Variants in ITGA8 observed in about 807,000 individuals in gnomAD.
ITGA8 encodes the protein integrin alpha-8.
A neutral mutation model predicts 142.3 loss-of-function variants in ITGA8; 91 were observed. The ratio of observed to expected loss-of-function variants is 0.64; its 90% CI spans 0.54 to 0.76. ITGA8 has a LOEUF of 0.76. Among genes scored for constraint, ITGA8 ranks in the 30% least tolerant of loss-of-function variants. ITGA8 has a pLI of 0.00. For synonymous variants in ITGA8, 505 were observed against 485.2 expected, an observed-to-expected ratio of 1.04 and a Z score of -0.54; for missense variants, 1,406 against 1,327.7, an observed-to-expected ratio of 1.06 and a Z score of -0.92.
intron 27 of ITGA8, among the ~76,000 whole-genome samples, chr10:15,543,126 T>C (rs925020756): frequency 6.6e-6 from 1 of 152,226 alleles, no homozygotes; most frequent in Non-Finnish European, 1.5e-5. Flanking sequence ...AAGGAGACTT[T>C]AGTCAAATCT....
intron 2 of ITGA8, among the ~76,000 whole-genome samples, chr10:15,716,513 C>T (rs918574850): frequency 6.6e-6 from 1 of 152,134 alleles, no homozygotes; most frequent in Admixed American, 6.5e-5. Flanking sequence ...TACTGTTTTA[C>T]TGCAAATATA....
intron 29 of ITGA8, among the ~76,000 whole-genome samples, chr10:15,518,728 G>C (rs886505328): frequency 6.6e-6 from 1 of 152,114 alleles, no homozygotes; most frequent in African/African-American, 2.4e-5. Context: ...ACACATCAAA[G>C]ACTAAGTTCA....
intron 11 of ITGA8, among the ~76,000 whole-genome samples, chr10:15,647,316 T>C (rs1289093767): frequency 6.6e-6 from 1 of 152,238 alleles, no homozygotes; most frequent in East Asian, 1.9e-4. Context: ...TTTTACCATT[T>C]TCAGCTTCTT....
intron 27 of ITGA8, among the ~76,000 whole-genome samples, chr10:15,531,487 G>A (rs1375591071): frequency 7.9e-6 from 1 of 126,740 alleles, no homozygotes; most frequent in East Asian, 1.9e-4. Flanking sequence ...GTATAATAAG[G>A]TTAAAATAAA....
intron 14 of ITGA8, among the ~76,000 whole-genome samples, chr10:15,614,975 T>G (rs186124245): frequency 2.8e-4 from 43 of 152,096 alleles, no homozygotes; most frequent in Non-Finnish European, 5.7e-4. Flanking sequence ...CCTGGAAGGA[T>G]CAAGGGAAGG....
rs1177205035 is a variant in ITGA8 at position 15,516,215 on chromosome 10, G to T, written c.*943C>A. On this transcript the variant is annotated 3_prime_UTR_variant, in exon 30 of 30. Transcript: ENST00000378076. The stretch of plus-strand genomic sequence containing the variant: ...ACCATGACTTTTAAACACTCCAAAG[G>T]TAGAGAGTACCTCGAAATTCATGTA... 2 of 152,088 alleles carry T rather than the reference G, an allele frequency of 1.3e-5. No homozygotes were observed. The highest frequency in any genetic ancestry group is 4.8e-5 in the African/African-American group (2 of 41,390). 9.4% of individuals were successfully genotyped at this position (152,088 alleles called of 1,614,324 possible).
At chr10:15,539,446 T>C (rs1191956053) in intron 27 of ITGA8, among the ~76,000 whole-genome samples, 1 of 152,148 alleles carries the variant, frequency 6.6e-6, no homozygotes, top group Non-Finnish European at 1.5e-5. Context: ...ACTCAGACAT[T>C]TGACACTATC....
At chr10:15,628,256 A>G (rs1419508292) in intron 13 of ITGA8, among the ~76,000 whole-genome samples, 1 of 149,326 alleles carries the variant, frequency 6.7e-6, no homozygotes, top group African/African-American at 2.5e-5. Flanking sequence ...TATGGCAGCC[A>G]TTCTTTATTA....
intron 21 of ITGA8, among the ~76,000 whole-genome samples, chr10:15,594,590 C>T (rs1832982847): frequency 6.6e-6 from 1 of 152,046 alleles, no homozygotes; most frequent in African/African-American, 2.4e-5. Context: ...CAAGACCGGC[C>T]TGGCCAACAT....
At chr10:15,718,637 T>A (rs1835497643) in intron 2 of ITGA8, 129 bp downstream of exon 2, 2 of 1,165,332 alleles carry the variant, frequency 1.7e-6, no homozygotes, top group Non-Finnish European at 1.2e-6. Flanking sequence ...GAGACCCACA[T>A]AGCCCACAAT....
intron 28 of ITGA8, among the ~76,000 whole-genome samples, chr10:15,520,369 T>C (rs962640377): frequency 6.6e-6 from 1 of 152,172 alleles, no homozygotes; most frequent in African/African-American, 2.4e-5. Context: ...GCCAAGATCA[T>C]GCCACTGCAC....
chr10:15,682,903 A>C (rs1834764625), intron 4 of ITGA8, among the ~76,000 whole-genome samples: 2 of 151,422 alleles, frequency 1.3e-5, no homozygotes, highest in African/African-American at 4.8e-5. Flanking sequence ...TAGGCTTCTA[A>C]ATCTCAGCAG....
chr10:15,606,158 C>A (rs923282062), intron 18 of ITGA8, 127 bp downstream of exon 18: 5 of 811,556 alleles, frequency 6.2e-6, no homozygotes, highest in African/African-American at 5.1e-5. Context: ...TAGGAAAACT[C>A]CCAAATGTTC....
chr10:15,635,399 A>G (rs1052716127), intron 13 of ITGA8, among the ~76,000 whole-genome samples: 3 of 152,180 alleles, frequency 2.0e-5, no homozygotes, highest in African/African-American at 7.2e-5. Context: ...GGATGATAGT[A>G]TCAGAGAAGT....
intron 6 of ITGA8, among the ~76,000 whole-genome samples, chr10:15,674,833 A>G (rs538473151): frequency 1.3e-5 from 2 of 152,122 alleles, no homozygotes; most frequent in East Asian, 3.9e-4. Flanking sequence ...CCAGCTACTC[A>G]GGAGGCAGAG....
chr10:15,551,860 A>C (rs1261097108), intron 26 of ITGA8, among the ~76,000 whole-genome samples: 4 of 152,210 alleles, frequency 2.6e-5, no homozygotes. Context: ...TTTTTGAACC[A>C]GTAAGAGAGA....
intron 6 of ITGA8, among the ~76,000 whole-genome samples, chr10:15,676,785 GA>G (rs1834638549): frequency 6.6e-6 from 1 of 152,146 alleles, no homozygotes; most frequent in African/African-American, 2.4e-5. Flanking sequence ...GAGGCGGGTG[GA>G]TCACCAGAGG....
At chr10:15,600,545 A>G (rs1833086438) in intron 20 of ITGA8, among the ~76,000 whole-genome samples, 1 of 152,212 alleles carries the variant, frequency 6.6e-6, no homozygotes, top group Non-Finnish European at 1.5e-5. Context: ...AAGCGTCAGC[A>G]TTTAGCGATG....
intron 4 of ITGA8, 130 bp from the exon 5 acceptor site, chr10:15,678,913 G>T: frequency 3.8e-6 from 2 of 520,424 alleles, no homozygotes; most frequent in East Asian, 3.4e-5. Context: ...TGTGTTTTAT[G>T]TTTATTTTTA....
Sources: gnomAD v4.1 joint callset for allele counts (sites outside exome capture counted in the v4.1 genomes callset) on GRCh38, gnomAD v4.1.1 for gene constraint, MANE v1.5 for transcripts, NCBI Gene and HGNC (gene_info 2026-07-23, HGNC 2026-07-21) for gene names.